POLA1: variants seen among roughly 807,000 people sequenced by gnomAD.
POLA1 encodes the protein DNA polymerase alpha catalytic subunit.
POLA1 carries 15 observed loss-of-function variants against 124.0 expected under a neutral mutation model. That is an observed-to-expected ratio of 0.12 (90% CI 0.08 to 0.19). The LOEUF is 0.19. Ranked by LOEUF, POLA1 falls within the 10% of genes least tolerant of loss-of-function variation. The pLI is 1.00. For missense variants in POLA1, 886 were observed against 1,103.4 expected (o/e 0.80, Z 2.79); for synonymous variants, 408 against 389.4 (o/e 1.05, Z -0.56).
chrX:24,853,376 C>T (rs1014734063), intron 34 of POLA1, among the ~76,000 whole-genome samples: 3 of 111,937 alleles, frequency 2.7e-5, no homozygotes, highest in Admixed American at 1.9e-4. Flanking sequence ...GAAATCATAT[C>T]GGTAAACTTT....
intron 11 of POLA1, 34 bp from the exon 12 acceptor site, chrX:24,724,301 T>G: frequency 1.4e-6 from 1 of 713,447 alleles, no homozygotes; most frequent in Non-Finnish European, 2.2e-6. Context: ...CAGATACTTT[T>G]TTTTCCCCTC....
At chrX:24,967,525 G>A (rs988030927) in intron 36 of POLA1, among the ~76,000 whole-genome samples, 8 of 110,235 alleles carry the variant, frequency 7.3e-5, no homozygotes, top group South Asian at 8.0e-4. Flanking sequence ...GCCAGTTGCA[G>A]TCGTGCATGC....
intron 32 of POLA1, among the ~76,000 whole-genome samples, chrX:24,831,664 G>A (rs1030658767): frequency 2.7e-5 from 3 of 111,837 alleles, no homozygotes; most frequent in Middle Eastern, 4.2e-3. Flanking sequence ...CAGGTGATCC[G>A]CCTGCCTCGG....
chrX:24,836,022 A>T (rs892951463), intron 32 of POLA1, among the ~76,000 whole-genome samples: 1 of 111,717 alleles, frequency 9.0e-6, no homozygotes, highest in African/African-American at 3.3e-5. Context: ...GAAACAGTAC[A>T]TTACTACATT....
chrX:24,924,551 G>C (rs781663286), intron 35 of POLA1, among the ~76,000 whole-genome samples: 4 of 111,752 alleles, frequency 3.6e-5, no homozygotes, highest in Non-Finnish European at 7.5e-5. Context: ...GAGGCTCAAG[G>C]GGTGATAAAA....
chrX:24,763,709 G>A (rs1013371691), intron 26 of POLA1, among the ~76,000 whole-genome samples: 6 of 111,512 alleles, frequency 5.4e-5, no homozygotes, highest in African/African-American at 2.0e-4. Flanking sequence ...GAGCATTTCA[G>A]GGAAGTAGTA....
chrX:24,921,658 A>G (rs756925720), intron 35 of POLA1, among the ~76,000 whole-genome samples: 10 of 112,143 alleles, frequency 8.9e-5, no homozygotes, highest in Admixed American at 6.6e-4. Flanking sequence ...AACTTACCCT[A>G]CGTTTCCATA....
At chrX:24,904,665 T>C (rs1012021355) in intron 35 of POLA1, among the ~76,000 whole-genome samples, 3 of 111,436 alleles carry the variant, frequency 2.7e-5, no homozygotes, top group African/African-American at 9.8e-5. Flanking sequence ...AAACAGGAGT[T>C]ACCTGCAGGG....
At chrX:24,877,332 C>T (rs371977416) in intron 34 of POLA1, among the ~76,000 whole-genome samples, 1 of 111,888 alleles carries the variant, frequency 8.9e-6, no homozygotes. Context: ...GAGTTCAGTG[C>T]ATGGAAAGTT....
intron 34 of POLA1, among the ~76,000 whole-genome samples, chrX:24,869,934 C>G (rs1226223889): frequency 2.7e-5 from 3 of 112,177 alleles, no homozygotes; most frequent in Non-Finnish European, 5.6e-5. Flanking sequence ...GTTGCTTGCC[C>G]TTAGCATTCA....
intron 30 of POLA1, among the ~76,000 whole-genome samples, chrX:24,819,239 C>T (rs1398837811): frequency 8.9e-6 from 1 of 112,292 alleles, no homozygotes; most frequent in Admixed American, 9.4e-5. Context: ...TTAAAATATT[C>T]GTACTTATAT....
chrX:24,922,513 T>C (rs1048543883), intron 35 of POLA1, among the ~76,000 whole-genome samples: 2 of 111,896 alleles, frequency 1.8e-5, no homozygotes, highest in African/African-American at 3.2e-5. Flanking sequence ...AGTTAATACA[T>C]TGGGGTCTTA....
At chrX:24,822,219 T>G (rs2046102105) in intron 31 of POLA1, among the ~76,000 whole-genome samples, 1 of 111,371 alleles carries the variant, frequency 9.0e-6, no homozygotes, top group Non-Finnish European at 1.9e-5. Flanking sequence ...AGCAGTTTTT[T>G]GACTTTCGAA....
chrX:24,906,628 C>T (rs2047370399), intron 35 of POLA1, among the ~76,000 whole-genome samples: 1 of 110,575 alleles, frequency 9.0e-6, no homozygotes, highest in Non-Finnish European at 1.9e-5. Context: ...CACTAAAGAA[C>T]TTATCCATGT....
intron 32 of POLA1, among the ~76,000 whole-genome samples, chrX:24,830,083 A>G (rs866578159): frequency 1.8e-5 from 2 of 112,457 alleles, no homozygotes; most frequent in South Asian, 7.3e-4. Context: ...AGTTAGTACA[A>G]AGAAATCAGG....
chrX:24,694,865 G>T (rs1927867677), intron 1 of POLA1, among the ~76,000 whole-genome samples: 1 of 111,999 alleles, frequency 8.9e-6, no homozygotes, highest in Non-Finnish European at 1.9e-5. Flanking sequence ...AGCTTCCTTT[G>T]CATTCACCTA....
intron 26 of POLA1, among the ~76,000 whole-genome samples, chrX:24,783,732 AG>A (rs1425339411): frequency 1.8e-5 from 2 of 111,826 alleles, no homozygotes; most frequent in Non-Finnish European, 3.8e-5. Flanking sequence ...AATTAATAAC[AG>A]TTTTCCTTAC....
chrX:24,933,460 T>C (rs1277109404), intron 36 of POLA1, among the ~76,000 whole-genome samples: 1 of 111,914 alleles, frequency 8.9e-6, no homozygotes, highest in African/African-American at 3.2e-5. Context: ...CACCAGTAGA[T>C]GTTAACATCA....
chrX:24,747,752 T>A (rs969665230), intron 24 of POLA1, among the ~76,000 whole-genome samples: 7 of 105,768 alleles, frequency 6.6e-5, no homozygotes, highest in African/African-American at 2.1e-4. Flanking sequence ...TTTTTTTTTT[T>A]AAGACAGAGT....
Sources: gnomAD v4.1 joint callset for allele counts (sites outside exome capture counted in the v4.1 genomes callset) on GRCh38, gnomAD v4.1.1 for gene constraint, MANE v1.5 for transcripts, NCBI Gene and HGNC (gene_info 2026-07-23, HGNC 2026-07-21) for gene names.